The following IGSF21 variants were observed in gnomAD, a reference collection of about 807,000 sequenced individuals.
IGSF21 encodes immunoglobin superfamily member 21.
Under a neutral mutation model 46.8 loss-of-function variants are expected in IGSF21, and 28 were observed. The ratio of observed to expected loss-of-function variants is 0.60; its 90% confidence interval spans 0.44 to 0.82. The LOEUF (loss-of-function observed/expected upper bound fraction) is 0.82, where lower values mean the gene tolerates loss of function less well. IGSF21 is among the 40% of genes least tolerant of loss of function. The probability of loss-of-function intolerance (pLI) is 0.00; values close to 1 mark genes in which losing one functional copy is unlikely to be tolerated. For missense variants in IGSF21, 624 were observed against 665.5 expected (o/e 0.94, Z 0.69); for synonymous variants, 284 against 273.6 (o/e 1.04, Z -0.38).
chr1:18,363,496 AGGCAGTG>A (rs1169438254), intron 5 of IGSF21, among the ~76,000 whole-genome samples: 1 of 65,176 alleles, frequency 1.5e-5, no homozygotes, highest in East Asian at 5.7e-4. Context: ...GATACAGGTG[AGGCAGTG>A]GGCAGGGATG....
At chr1:18,353,454 G>A (rs544752243) in intron 4 of IGSF21, among the ~76,000 whole-genome samples, 24 of 152,104 alleles carry the variant, frequency 1.6e-4, no homozygotes, top group African/African-American at 5.6e-4. Flanking sequence ...GGGTGCGGCC[G>A]CAGGTAAGAA....
intron 6 of IGSF21, among the ~76,000 whole-genome samples, chr1:18,369,056 G>A (rs1281287213): frequency 6.6e-6 from 1 of 152,110 alleles, no homozygotes; most frequent in Non-Finnish European, 1.5e-5. Context: ...GAGAAAGAAG[G>A]GCCCACTCAT....
intron 4 of IGSF21, among the ~76,000 whole-genome samples, chr1:18,346,924 G>A (rs1047100884): frequency 6.6e-6 from 1 of 152,190 alleles, no homozygotes; most frequent in African/African-American, 2.4e-5. Context: ...TGAGTGCCTG[G>A]ACCTGGTCAG....
At chr1:18,277,258 T>C (rs2085111022) in intron 2 of IGSF21, among the ~76,000 whole-genome samples, 1 of 152,200 alleles carries the variant, frequency 6.6e-6, no homozygotes, top group African/African-American at 2.4e-5. Flanking sequence ...CTGGCCTCGG[T>C]TGCCTCCTTT....
At chr1:18,174,547 C>A (rs2086776123) in intron 1 of IGSF21, among the ~76,000 whole-genome samples, 1 of 152,166 alleles carries the variant, frequency 6.6e-6, no homozygotes, top group South Asian at 2.1e-4. Context: ...CACGACCCAC[C>A]CACATCCCCT....
At position 18,220,009 on chromosome 1, in the gene IGSF21, G is replaced by C. The variant is rs914053472; in HGVS notation, c.71-7889G>C. ...CTGTGACCAGGAGAAGCAGGATATT[G>C]TTCAGGATGCAGCAGCAGCTCCTCT... On this transcript the variant is annotated intron_variant, in intron 1 of 9. Transcript: ENST00000251296. Among the ~76,000 whole-genome samples the C allele has an allele frequency of 9.2e-5, 14 of 152,292 alleles. No individual in the cohort carries two copies. In the South Asian group the frequency reaches 2.5e-3, roughly 27 times the overall value.
chr1:18,220,948 A>G (rs1180078192), intron 1 of IGSF21, among the ~76,000 whole-genome samples: 2 of 152,176 alleles, frequency 1.3e-5, no homozygotes, highest in Admixed American at 6.5e-5. Flanking sequence ...AACTTTTCCT[A>G]TGGAGCAATG....
chr1:18,357,690 C>T (rs1420956590), intron 4 of IGSF21, among the ~76,000 whole-genome samples: 3 of 152,062 alleles, frequency 2.0e-5, no homozygotes, highest in African/African-American at 4.8e-5. Flanking sequence ...CTAATAGTGA[C>T]TAGAAGAGTG....
At chr1:18,190,421 T>C (rs1176894961) in intron 1 of IGSF21, among the ~76,000 whole-genome samples, 1 of 152,248 alleles carries the variant, frequency 6.6e-6, no homozygotes, top group Admixed American at 6.5e-5. Context: ...GAGGCAAGCA[T>C]GCCAGTGTGC....
In IGSF21 at chr1:18,290,692, T is replaced by C. The variant is rs1184902037; in HGVS notation, c.184-1174T>C. Among the ~76,000 whole-genome samples, 1 of 152,166 alleles carries C rather than the reference T, an allele frequency of 6.6e-6. No individual in the cohort carries two copies. Among genetic ancestry groups the C allele is most frequent in the African/African-American group, 2.4e-5 (1 of 41,450 alleles). ...ACATATGTGTCCAGAGGAGCCCAGCTGTGTCTAGGGCCAGTACTCCCAGGC... is the reference window on the plus strand; with the variant it reads ...ACATATGTGTCCAGAGGAGCCCAGCCGTGTCTAGGGCCAGTACTCCCAGGC... On this transcript the variant is annotated intron_variant, in intron 2 of 9. Transcript: ENST00000251296. This position sits in a 1 kb window ranked among gnomAD's most constrained non-coding sequence, Gnocchi z 4.2.
At chr1:18,349,074 T>G (rs1465561064) in intron 4 of IGSF21, among the ~76,000 whole-genome samples, 1 of 152,234 alleles carries the variant, frequency 6.6e-6, no homozygotes, top group African/African-American at 2.4e-5. Flanking sequence ...TTTAAGAGCT[T>G]TCTTTGGTTT....
intron 1 of IGSF21, among the ~76,000 whole-genome samples, chr1:18,152,023 A>C (rs1435315713): frequency 1.3e-5 from 2 of 152,100 alleles, no homozygotes; most frequent in Non-Finnish European, 2.9e-5. Context: ...TTCACACTTA[A>C]TCACTGCCTA....
At chr1:18,146,399 T>C (rs2086467255) in intron 1 of IGSF21, among the ~76,000 whole-genome samples, 1 of 152,102 alleles carries the variant, frequency 6.6e-6, no homozygotes, top group Admixed American at 6.5e-5. Context: ...GGCCATGTCG[T>C]TGGCTCAGCG....
chr1:18,233,567 T>C lies in IGSF21; in HGVS notation c.183+5557T>C, dbSNP rs1254118652. 2.0e-5 allele frequency among the ~76,000 whole-genome samples: 3 copies of C among 152,166 alleles called. No homozygotes were observed. The East Asian group carries it at 5.8e-4, about 29-fold the overall frequency. ...TATTTTGTAAGCTTAAATGAGATAATGTCTGCAACCAAAAGACCCCATTGT... is the reference window on the plus strand; with the variant it reads ...TATTTTGTAAGCTTAAATGAGATAACGTCTGCAACCAAAAGACCCCATTGT... On this transcript the variant is annotated intron_variant, in intron 2 of 9. Coordinates refer to ENST00000251296, the MANE Select transcript of IGSF21 (RefSeq NM_032880.5).
At chr1:18,222,087 T>G (rs2084516176) in intron 1 of IGSF21, among the ~76,000 whole-genome samples, 1 of 152,138 alleles carries the variant, frequency 6.6e-6, no homozygotes, top group Admixed American at 6.5e-5. Context: ...TCTTCACCGC[T>G]GTGCTCCTGG....
intron 3 of IGSF21, among the ~76,000 whole-genome samples, chr1:18,318,696 C>G (rs1293789970): frequency 6.6e-6 from 1 of 152,152 alleles, no homozygotes; most frequent in Non-Finnish European, 1.5e-5. Flanking sequence ...CCTTTCCTCA[C>G]CAGACCTTGC....
Position 18,108,154 on chromosome 1 carries a change from G to A in IGSF21, c.26G>A (p.Arg9His). Residue 9 changes from arginine to histidine, a missense_variant, in exon 1 of 10, where the codon CGC (arginine) becomes CAC (histidine). Coordinates refer to ENST00000251296, the MANE Select transcript of IGSF21 (RefSeq NM_032880.5). Reference protein sequence around the residue: MRTAPSLRRCVCLLLAAIL... With the variant: MRTAPSLRHCVCLLLAAIL... The stretch of plus-strand genomic sequence containing the variant: ...ATGCGAACCGCCCCGAGCCTCCGCC[G>A]CTGCGTCTGCCTGCTGCTCGCCGCG... 2.1e-6 allele frequency: 3 copies of A among 1,443,126 alleles called. No individual in the cohort carries two copies. The highest frequency in any genetic ancestry group is 2.7e-6 in the Non-Finnish European group (3 of 1,100,430). The allele number at this position is 1,443,126 out of a possible 1,614,324, so 89.4% of individuals were successfully genotyped here.
chr1:18,165,580 A>C (rs2086670661), intron 1 of IGSF21, among the ~76,000 whole-genome samples: 1 of 152,212 alleles, frequency 6.6e-6, no homozygotes, highest in African/African-American at 2.4e-5. Context: ...GCCTGTAAAG[A>C]GTAAAGTAGA....
At chr1:18,243,835 C>A (rs1011147198) in intron 2 of IGSF21, among the ~76,000 whole-genome samples, 1 of 152,136 alleles carries the variant, frequency 6.6e-6, no homozygotes, top group Non-Finnish European at 1.5e-5. Context: ...GCATATGGAC[C>A]AGCAGTGAAG....
Sources: gnomAD v4.1 joint callset for allele counts (sites outside exome capture counted in the v4.1 genomes callset) on GRCh38, gnomAD v4.1.1 for gene constraint, Gnocchi (gnomAD v3.1) non-coding constraint, MANE v1.5 for transcripts, NCBI Gene and HGNC (gene_info 2026-07-23, HGNC 2026-07-21) for gene names.